Variants in NLGN1 observed in about 807,000 individuals in gnomAD.
The protein encoded by NLGN1 is neuroligin 1.
NLGN1 carries 12 observed loss-of-function variants against 65.5 expected under a neutral mutation model. The ratio of observed to expected loss-of-function variants is 0.18; its 90% CI spans 0.12 to 0.30. NLGN1 has a LOEUF of 0.30. NLGN1 is among the 10% of genes least tolerant of loss of function. The probability of loss-of-function intolerance (pLI) is 1.00; values close to 1 mark genes in which losing one functional copy is unlikely to be tolerated. For missense variants in NLGN1, 750 were observed against 1,007.1 expected, an observed-to-expected ratio of 0.74 and a Z score of 3.46; for synonymous variants, 350 against 359.5, an observed-to-expected ratio of 0.97 and a Z score of 0.30.
At chr3:173,948,665 A>G (rs2152324511) in intron 4 of NLGN1, among the ~76,000 whole-genome samples, 1 of 152,326 alleles carries the variant, frequency 6.6e-6, no homozygotes, top group South Asian at 2.1e-4. Context: ...TAACAGGAAG[A>G]TAGACACAAG....
At chr3:173,420,125 T>C (rs1714743894) in intron 1 of NLGN1, among the ~76,000 whole-genome samples, 1 of 151,966 alleles carries the variant, frequency 6.6e-6, no homozygotes, top group Admixed American at 6.5e-5. Context: ...GTGCACAACG[T>C]GCAGGTTTGT....
At chr3:173,901,429 T>A (rs1265539963) in intron 4 of NLGN1, among the ~76,000 whole-genome samples, 1 of 151,702 alleles carries the variant, frequency 6.6e-6, no homozygotes, top group African/African-American at 2.4e-5. Context: ...ATATTAGATT[T>A]GGATAATATA....
intron 3 of NLGN1, among the ~76,000 whole-genome samples, chr3:173,671,783 G>T (rs2149738007): frequency 6.6e-6 from 1 of 152,246 alleles, no homozygotes; most frequent in Non-Finnish European, 1.5e-5. Context: ...CTACAATTTA[G>T]GCTTTCTAGA....
chr3:173,514,857 A>G (rs1036156722), intron 2 of NLGN1, among the ~76,000 whole-genome samples: 3 of 152,178 alleles, frequency 2.0e-5, no homozygotes, highest in South Asian at 2.1e-4. Flanking sequence ...CTAGGGCTGA[A>G]TAGTATTTTA....
At chr3:173,407,399 A>G (rs57579424) in intron 1 of NLGN1, among the ~76,000 whole-genome samples, 3,579 of 152,234 alleles carry the variant, frequency 0.024, 105 homozygotes, top group African/African-American at 0.073. Flanking sequence ...TTGCTTGTTT[A>G]TGCAATGGTA....
chr3:173,933,942 G>C (rs1744593007), intron 4 of NLGN1, among the ~76,000 whole-genome samples: 1 of 151,770 alleles, frequency 6.6e-6, no homozygotes, highest in Non-Finnish European at 1.5e-5. Flanking sequence ...AGTGAATAAG[G>C]ATGTTCTATT....
intron 4 of NLGN1, among the ~76,000 whole-genome samples, chr3:173,839,249 CT>C (rs1355616306): frequency 6.6e-6 from 1 of 151,922 alleles, no homozygotes; most frequent in Non-Finnish European, 1.5e-5. Context: ...CATTTTCCTA[CT>C]TTTTCTTTTA....
chr3:174,061,994 A>G (rs1435779231), intron 4 of NLGN1, among the ~76,000 whole-genome samples: 2 of 152,280 alleles, frequency 1.3e-5, no homozygotes, highest in Admixed American at 1.3e-4. Context: ...TCGGAAGCCT[A>G]GTTATTCCAC....
chr3:173,768,433 C>T (rs1400410659), intron 3 of NLGN1, among the ~76,000 whole-genome samples: 1 of 152,128 alleles, frequency 6.6e-6, no homozygotes, highest in Non-Finnish European at 1.5e-5. Context: ...TCCCCAATCA[C>T]AGTAAATAAT....
At chr3:173,683,365 T>C (rs537798168) in intron 3 of NLGN1, among the ~76,000 whole-genome samples, 84 of 152,232 alleles carry the variant, frequency 5.5e-4, no homozygotes, top group Non-Finnish European at 7.9e-4. Context: ...TGAGTGCTGG[T>C]ATTATCTTTC....
At chr3:174,076,546 T>G (rs1475100069) in intron 4 of NLGN1, among the ~76,000 whole-genome samples, 35 of 152,128 alleles carry the variant, frequency 2.3e-4, no homozygotes, top group Admixed American at 2.3e-3. Context: ...AAACTGGAAA[T>G]GTTTTTCTGT....
chr3:173,646,543 T>G (rs114969203), intron 3 of NLGN1, among the ~76,000 whole-genome samples: 1,639 of 152,332 alleles, frequency 0.011, 35 homozygotes, highest in African/African-American at 0.037. Flanking sequence ...AGGTAATATA[T>G]ATCCCAGTTA....
At chr3:173,559,633 C>T (rs1577270707) in intron 2 of NLGN1, among the ~76,000 whole-genome samples, 2 of 152,054 alleles carry the variant, frequency 1.3e-5, no homozygotes, top group Admixed American at 1.3e-4. Flanking sequence ...AAGTAGAAAG[C>T]CCACCAGCAA....
intron 3 of NLGN1, among the ~76,000 whole-genome samples, chr3:173,703,476 TTAAAA>T (rs1309215031): frequency 6.6e-6 from 1 of 152,154 alleles, no homozygotes; most frequent in East Asian, 1.9e-4. Context: ...TAACTTCTTC[TTAAAA>T]TAAGAATCTC....
At chr3:173,826,371 G>A (rs1314483289) in intron 4 of NLGN1, among the ~76,000 whole-genome samples, 1 of 151,914 alleles carries the variant, frequency 6.6e-6, no homozygotes, top group Non-Finnish European at 1.5e-5. Flanking sequence ...TCAACCCAAA[G>A]GAACCCATAA....
intron 4 of NLGN1, among the ~76,000 whole-genome samples, chr3:174,095,401 TA>T (rs563242515): frequency 6.5e-4 from 99 of 151,990 alleles, no homozygotes; most frequent in African/African-American, 2.1e-3. Context: ...CTAGCAGTTG[TA>T]AAAAAGTATG....
At chr3:173,692,260 C>T (rs929828027) in intron 3 of NLGN1, among the ~76,000 whole-genome samples, 14 of 152,042 alleles carry the variant, frequency 9.2e-5, no homozygotes, top group African/African-American at 2.7e-4. Context: ...GTTATGACAT[C>T]GCTTACTTAT....
intron 2 of NLGN1, among the ~76,000 whole-genome samples, chr3:173,518,327 T>G (rs1372800369): frequency 1.3e-5 from 2 of 151,946 alleles, no homozygotes; most frequent in Admixed American, 6.6e-5. Context: ...CTTTGCTCAT[T>G]ATTTTTCTAG....
chr3:174,098,333 A>C (rs1711565118), intron 4 of NLGN1, among the ~76,000 whole-genome samples: 1 of 152,118 alleles, frequency 6.6e-6, no homozygotes, highest in Non-Finnish European at 1.5e-5. Flanking sequence ...CTTACAACAA[A>C]AGGAAAAAAA....
Sources: allele counts gnomAD v4.1 joint callset (sites outside exome capture counted in the v4.1 genomes callset), GRCh38; gene constraint gnomAD v4.1.1; transcripts MANE v1.5; gene names NCBI Gene and HGNC (gene_info 2026-07-23, HGNC 2026-07-21).